The following LRRC37A variants were observed in gnomAD, a reference collection of about 807,000 sequenced individuals.
LRRC37A encodes the protein leucine-rich repeat-containing protein 37A.
In LRRC37A, 3 loss-of-function variants were observed where a neutral mutation model predicts 35.4. That is an observed-to-expected ratio of 0.08 (90% confidence interval 0.04 to 0.22). The LOEUF is 0.22. LRRC37A is among the 10% of genes least tolerant of loss of function. The pLI is 1.00. For synonymous variants in LRRC37A, 23 were observed against 215.0 expected (o/e 0.11, Z 7.81); for missense variants, 67 against 565.3 (o/e 0.12, Z 8.94).
chr17:46,280,299 G>C, the LRRC37A span, among the ~76,000 whole-genome samples: 1 of 152,152 alleles, frequency 6.6e-6, no homozygotes, highest in Non-Finnish European at 1.5e-5. Context: ...GGGAAGCGGA[G>C]GTTGCAGTGA....
chr17:46,248,767 G>A, the LRRC37A span, among the ~76,000 whole-genome samples: 5 of 151,892 alleles, frequency 3.3e-5, no homozygotes, highest in Non-Finnish European at 5.9e-5. Context: ...TGATCCGCCC[G>A]CCTTGGCTTC....
the LRRC37A span, among the ~76,000 whole-genome samples, chr17:46,271,332 ATTTTTTTTT>A: frequency 1.6e-5 from 2 of 125,664 alleles, no homozygotes; most frequent in African/African-American, 6.3e-5. Context: ...TACCTAGCTA[ATTTTTTTTT>A]TTTTTTTTTT....
chr17:46,279,789 C>A, the LRRC37A span, among the ~76,000 whole-genome samples: 7 of 152,210 alleles, frequency 4.6e-5, no homozygotes, highest in African/African-American at 7.2e-5. Flanking sequence ...ACCACCATTC[C>A]CAGCCAACAG....
the LRRC37A span, among the ~76,000 whole-genome samples, chr17:46,271,933 T>A: frequency 6.6e-6 from 1 of 152,210 alleles, no homozygotes; most frequent in Non-Finnish European, 1.5e-5. Context: ...GCTAAATTGT[T>A]GTATTTTTAG....
rs1343954456 is a variant in LRRC37A, at chr17:46,326,025, G to A, written c.3054-2367G>A. Among the ~76,000 whole-genome samples, 14 of 60,006 alleles carry A rather than the reference G, an allele frequency of 2.3e-4. 3 individuals are homozygous for A. The highest frequency in any genetic ancestry group is 2.0e-3 in the Admixed American group (12 of 5,972). 39.4% of individuals were successfully genotyped at this position (60,006 alleles called of 152,430 possible). On this transcript the variant is annotated intron_variant, in intron 7 of 13. Transcript: ENST00000320254. ...GCCTGTAATCCCAGCACTTTGGGAG[G>A]CCAAAGAGAGAGGGTTGCTTGTGCC...
At chr17:46,323,573 T>G (rs1425039001) in intron 7 of LRRC37A, among the ~76,000 whole-genome samples, 1 of 92,244 alleles carries the variant, frequency 1.1e-5, no homozygotes, top group East Asian at 2.9e-4. Context: ...ATTTTTGTAT[T>G]TTTAGTAGAG....
At chr17:46,277,636 CT>C in the LRRC37A span, among the ~76,000 whole-genome samples, 1 of 127,462 alleles carries the variant, frequency 7.8e-6, no homozygotes, top group Non-Finnish European at 1.8e-5. Flanking sequence ...CTTTTCTTTT[CT>C]TTTCTTTCTT....
upstream of LRRC37A, among the ~76,000 whole-genome samples, chr17:46,291,723 G>A (rs1184816606): frequency 2.0e-5 from 3 of 152,020 alleles, no homozygotes; most frequent in Non-Finnish European, 4.4e-5. Context: ...CCGGGAGTTT[G>A]AGACCAGCCT....
upstream of LRRC37A, among the ~76,000 whole-genome samples, chr17:46,292,335 GAAA>G (rs1177574208): frequency 1.7e-5 from 1 of 58,528 alleles, no homozygotes; most frequent in African/African-American, 4.2e-5. Flanking sequence ...CTCTCTCGAG[GAAA>G]AAAAAAAAAA....
At chr17:46,290,205 C>A (rs1190079533), upstream of LRRC37A, among the ~76,000 whole-genome samples, 1 of 152,206 alleles carries the variant, frequency 6.6e-6, no homozygotes, top group Non-Finnish European at 1.5e-5. Context: ...TCATGGCTCA[C>A]TGCAGGGTCG....
the LRRC37A span, among the ~76,000 whole-genome samples, chr17:46,286,477 G>A: frequency 6.6e-6 from 1 of 152,282 alleles, no homozygotes; most frequent in East Asian, 1.9e-4. Context: ...CTATAATAAA[G>A]CACCATTTCA....
the LRRC37A span, among the ~76,000 whole-genome samples, chr17:46,280,326 T>C: frequency 1.3e-5 from 2 of 152,102 alleles, no homozygotes; most frequent in Non-Finnish European, 2.9e-5. Context: ...ATTGCACCAC[T>C]GCACTCCAGC....
At chr17:46,256,978 CTCT>C in the LRRC37A span, among the ~76,000 whole-genome samples, 4 of 152,226 alleles carry the variant, frequency 2.6e-5, no homozygotes, top group African/African-American at 2.4e-5. Context: ...TGGCTCTTTT[CTCT>C]TCTTTTTTCT....
chr17:46,267,258 G>C, the LRRC37A span: 1 of 945,760 alleles, frequency 1.1e-6, no homozygotes, highest in Non-Finnish European at 1.5e-6. Context: ...TTTCGCTGTT[G>C]CTAAAAACCA....
chr17:46,275,283 G>C, the LRRC37A span: 2 of 592,122 alleles, frequency 3.4e-6, no homozygotes, highest in African/African-American at 4.1e-5. Context: ...GTCAAGTCTT[G>C]TCAGGATAGC....
chr17:46,280,296 G>A, the LRRC37A span, among the ~76,000 whole-genome samples: 16,682 of 148,990 alleles, frequency 0.11, no homozygotes, highest in Non-Finnish European at 0.17. Flanking sequence ...CGCGGGAAGC[G>A]GAGGTTGCAG....
chr17:46,287,283 C>T, the LRRC37A span, among the ~76,000 whole-genome samples: 21,614 of 151,716 alleles, frequency 0.14, 1,899 homozygotes, highest in Non-Finnish European at 0.22. Context: ...TGAATGTGTG[C>T]AAAACTGTAA....
At chr17:46,332,240 A>G (rs897420264) in intron 9 of LRRC37A, among the ~76,000 whole-genome samples, 1 of 44,672 alleles carries the variant, frequency 2.2e-5, no homozygotes, top group African/African-American at 1.3e-4. Context: ...GATTACTTGA[A>G]GTCAGGAGTT....
chr17:46,277,659 T>C, the LRRC37A span, among the ~76,000 whole-genome samples: 1 of 151,558 alleles, frequency 6.6e-6, no homozygotes, highest in African/African-American at 2.4e-5. Context: ...CTTTCTTTTT[T>C]TTTTTTTGAG....
Sources: gnomAD v4.1 joint callset for allele counts (sites outside exome capture counted in the v4.1 genomes callset) on GRCh38, gnomAD v4.1.1 for gene constraint, MANE v1.5 for transcripts, NCBI Gene and HGNC (gene_info 2026-07-23, HGNC 2026-07-21) for gene names.